SBF2: variants seen among roughly 807,000 people sequenced by gnomAD.
SBF2 encodes SET binding factor 2.
A neutral mutation model predicts 225.2 loss-of-function variants in SBF2; 112 were observed. The ratio of observed to expected loss-of-function variants is 0.50; its 90% confidence interval spans 0.43 to 0.58. The LOEUF (loss-of-function observed/expected upper bound fraction) is 0.58. Ranked by LOEUF, SBF2 falls within the 20% of genes least tolerant of loss-of-function variation. The pLI is 0.00. For missense variants in SBF2, 1,996 were observed against 2,206.2 expected, an observed-to-expected ratio of 0.90 and a Z score of 1.91; for synonymous variants, 763 against 773.3, an observed-to-expected ratio of 0.99 and a Z score of 0.22.
Position 9,790,605 on chromosome 11 carries a change from T to A in SBF2, c.4649A>T (p.Lys1550Met). Residue 1550 changes from lysine (K) to methionine (M), a missense_variant, in exon 34 of 40, where the codon AAG becomes ATG. Physicochemically the swap from Lys to Met is moderately conservative, Grantham distance 95. Transcript: ENST00000256190. ...ATAATTAAAGAAAATGGGACTCCTC[T>A]TGTGCATTCTGTCAATACATTCCCA... The part of the protein sequence containing the change: ...CIWECIDRMH[K>M]RSPIFFNYLY... 1 of 1,589,342 alleles carries A rather than the reference T, an allele frequency of 6.3e-7. No homozygotes were observed. Among genetic ancestry groups the A allele is most frequent in the Non-Finnish European group, 8.6e-7 (1 of 1,158,368 alleles).
intron 2 of SBF2, among the ~76,000 whole-genome samples, chr11:10,180,998 A>G (rs750818611): frequency 6.6e-6 from 1 of 152,110 alleles, no homozygotes; most frequent in Non-Finnish European, 1.5e-5. Context: ...ATCTTTGGAA[A>G]AAATAAAAGC....
At chr11:10,188,712 T>C (rs2135313082) in intron 2 of SBF2, among the ~76,000 whole-genome samples, 1 of 152,336 alleles carries the variant, frequency 6.6e-6, no homozygotes, top group African/African-American at 2.4e-5. Flanking sequence ...AATAATCTAC[T>C]ACCTCACATG....
intron 32 of SBF2, among the ~76,000 whole-genome samples, chr11:9,796,169 T>A (rs999769750): frequency 7.9e-5 from 12 of 151,906 alleles, no homozygotes; most frequent in African/African-American, 2.2e-4. Flanking sequence ...TTTTTTTTTT[T>A]AAATAAACAT....
chr11:9,909,955 C>T (rs1862459425), intron 16 of SBF2, among the ~76,000 whole-genome samples: 1 of 151,796 alleles, frequency 6.6e-6, no homozygotes, highest in Admixed American at 6.6e-5. Context: ...GGCTGTTGGG[C>T]AGAAATATGG....
intron 1 of SBF2, among the ~76,000 whole-genome samples, chr11:10,282,047 G>T (rs940275539): frequency 6.6e-6 from 1 of 152,116 alleles, no homozygotes; most frequent in Non-Finnish European, 1.5e-5. Context: ...TCATCAAAAT[G>T]ACTATGGCCC....
intron 2 of SBF2, among the ~76,000 whole-genome samples, chr11:10,143,723 TG>T (rs1368901303): frequency 6.7e-6 from 1 of 150,108 alleles, no homozygotes; most frequent in African/African-American, 2.5e-5. Flanking sequence ...TTTTTGCTTT[TG>T]TTTTTTTTTT....
At chr11:10,059,731 C>A (rs1950364465) in intron 2 of SBF2, among the ~76,000 whole-genome samples, 1 of 152,132 alleles carries the variant, frequency 6.6e-6, no homozygotes, top group South Asian at 2.1e-4. Context: ...GAAAATTGCT[C>A]AAAACCATAC....
chr11:9,908,142 T>A (rs551841116), intron 16 of SBF2, among the ~76,000 whole-genome samples: 2 of 152,274 alleles, frequency 1.3e-5, no homozygotes, highest in South Asian at 4.1e-4. Flanking sequence ...AAACTATACA[T>A]CTATGAAAAA....
intron 16 of SBF2, chr11:9,957,442 T>C (rs1425573251): frequency 1.3e-5 from 2 of 150,352 alleles, no homozygotes. Flanking sequence ...GCCACAAAAC[T>C]ATATATATAA....
chr11:10,051,352 A>G (rs981656742), intron 2 of SBF2, among the ~76,000 whole-genome samples: 1 of 152,170 alleles, frequency 6.6e-6, no homozygotes, highest in Admixed American at 6.5e-5. Flanking sequence ...AGTTACTTAA[A>G]TAGCCTCATA....
chr11:9,821,148 C>A (rs527746059), intron 28 of SBF2, among the ~76,000 whole-genome samples: 1 of 152,286 alleles, frequency 6.6e-6, no homozygotes, highest in South Asian at 2.1e-4. Context: ...GTCTCAGGTA[C>A]TTTTTGGTTT....
chr11:9,898,204 T>C lies in SBF2; in HGVS notation c.1861-2193A>G, dbSNP rs575726283. ...TGAGGAAAAAGGAAGAAACTTTCTTTCAAGAGCTTAGCCTAGAAGTGGCCA... is the reference window on the plus strand; with the variant it reads ...TGAGGAAAAAGGAAGAAACTTTCTTCCAAGAGCTTAGCCTAGAAGTGGCCA... On this transcript the variant is annotated intron_variant, in intron 16 of 39. Coordinates refer to ENST00000256190, the MANE Select transcript of SBF2 (RefSeq NM_030962.4). 5.3e-5 allele frequency among the ~76,000 whole-genome samples: 8 copies of C among 152,266 alleles called. No individual in the cohort carries two copies. In the South Asian group the frequency reaches 1.7e-3, roughly 32 times the overall value.
intron 17 of SBF2, among the ~76,000 whole-genome samples, chr11:9,878,891 T>C (rs1546541): frequency 0.27 from 41,376 of 152,112 alleles, 6,745 homozygotes; most frequent in African/African-American, 0.45. Flanking sequence ...CATGCTTTCA[T>C]CTCCCCAACA....
chr11:9,884,629 G>A (rs190854278), intron 17 of SBF2, among the ~76,000 whole-genome samples: 112 of 152,274 alleles, frequency 7.4e-4, no homozygotes, highest in Non-Finnish European at 1.2e-3. Flanking sequence ...CGGAAGAGAA[G>A]TCAAGCATTT....
intron 2 of SBF2, among the ~76,000 whole-genome samples, chr11:10,043,656 C>T (rs1949743020): frequency 6.6e-6 from 1 of 152,138 alleles, no homozygotes; most frequent in Non-Finnish European, 1.5e-5. Context: ...CTCACTTTAA[C>T]CCCAACCCCC....
chr11:9,945,886 A>G (rs975621102), intron 16 of SBF2, among the ~76,000 whole-genome samples: 6 of 152,152 alleles, frequency 3.9e-5, no homozygotes, highest in African/African-American at 1.2e-4. Flanking sequence ...ATGAGATACC[A>G]TCTCACACGA....
intron 17 of SBF2, among the ~76,000 whole-genome samples, chr11:9,884,994 TA>T (rs1455984337): frequency 6.6e-6 from 1 of 152,216 alleles, no homozygotes; most frequent in East Asian, 1.9e-4. Context: ...CTCACGCCTG[TA>T]ATCTCAGCAC....
chr11:9,904,816 G>C (rs1462668523), intron 16 of SBF2, among the ~76,000 whole-genome samples: 1 of 152,178 alleles, frequency 6.6e-6, no homozygotes, highest in Non-Finnish European at 1.5e-5. Context: ...CTTGAGCTCA[G>C]GAGTTCAAGA....
At chr11:9,859,226 TA>T (rs1857537443) in intron 17 of SBF2, among the ~76,000 whole-genome samples, 1 of 152,224 alleles carries the variant, frequency 6.6e-6, no homozygotes, top group African/African-American at 2.4e-5. Context: ...GAACTGAAAG[TA>T]AATCAAAATA....
Sources: allele counts gnomAD v4.1 joint callset (sites outside exome capture counted in the v4.1 genomes callset), GRCh38; gene constraint gnomAD v4.1.1; transcripts MANE v1.5; gene names NCBI Gene and HGNC (gene_info 2026-07-23, HGNC 2026-07-21).